The following MAPK14 variants were observed in gnomAD, a reference collection of about 807,000 sequenced individuals.
The protein encoded by MAPK14 is mitogen-activated protein kinase 14, also known as CSAID-binding protein.
MAPK14 carries 16 observed loss-of-function variants against 49.6 expected under a neutral mutation model. The observed-to-expected ratio is 0.32, with a 90% CI of 0.22 to 0.49. The LOEUF (loss-of-function observed/expected upper bound fraction) is 0.49, where lower values mean the gene tolerates loss of function less well. MAPK14 is among the 20% of genes least tolerant of loss of function. The pLI, the probability that MAPK14 is intolerant of heterozygous loss-of-function variation, is 0.99. For synonymous variants in MAPK14, 142 were observed against 158.0 expected (o/e 0.90, Z 0.76); for missense variants, 200 against 441.2 (o/e 0.45, Z 4.90).
chr6:36,067,743 C>T (rs1455439768), intron 3 of MAPK14, among the ~76,000 whole-genome samples: 2 of 152,164 alleles, frequency 1.3e-5, no homozygotes, highest in Non-Finnish European at 2.9e-5. Context: ...ACAGTCTGGT[C>T]TGCTTACCAG....
intron 9 of MAPK14, among the ~76,000 whole-genome samples, chr6:36,098,357 A>G (rs1226412074): frequency 6.6e-6 from 1 of 152,168 alleles, no homozygotes; most frequent in African/African-American, 2.4e-5. Flanking sequence ...AATCAGTGAA[A>G]GAACAAGAAA....
At chr6:36,049,510 C>G (rs1763313387) in intron 1 of MAPK14, among the ~76,000 whole-genome samples, 1 of 152,196 alleles carries the variant, frequency 6.6e-6, no homozygotes. Flanking sequence ...ATTAGACCCA[C>G]TTCAAAGTTT....
intron 8 of MAPK14, among the ~76,000 whole-genome samples, chr6:36,084,298 A>G (rs1764888645): frequency 6.6e-6 from 1 of 152,190 alleles, no homozygotes; most frequent in Non-Finnish European, 1.5e-5. Context: ...TTTCCTCCAA[A>G]TGATCACAGC....
the MAPK14 span, among the ~76,000 whole-genome samples, chr6:36,117,137 G>A: frequency 8.5e-5 from 13 of 152,284 alleles, no homozygotes; most frequent in South Asian, 2.7e-3. Flanking sequence ...AGCACACACT[G>A]GGTCTCTCTC....
At chr6:36,076,024 C>T (rs2127445494) in intron 7 of MAPK14, 62 bp downstream of exon 7, 1 of 1,544,398 alleles carries the variant, frequency 6.5e-7, no homozygotes, top group South Asian at 1.1e-5. Flanking sequence ...ATTTGGGATT[C>T]TCAGAAATAG....
At chr6:36,093,131 A>G (rs1017542192) in intron 8 of MAPK14, among the ~76,000 whole-genome samples, 2 of 152,270 alleles carry the variant, frequency 1.3e-5, no homozygotes, top group Non-Finnish European at 2.9e-5. Flanking sequence ...CTGGTTTATG[A>G]GTACATAAAT....
intron 3 of MAPK14, among the ~76,000 whole-genome samples, chr6:36,064,334 T>C (rs1763959756): frequency 6.9e-6 from 1 of 145,456 alleles, no homozygotes; most frequent in Non-Finnish European, 1.5e-5. Context: ...GACAAGAATT[T>C]TTTGATTCCT....
intron 9 of MAPK14, chr6:36,100,049 T>G: frequency 1.6e-6 from 1 of 638,646 alleles, no homozygotes; most frequent in Non-Finnish European, 2.9e-6. Flanking sequence ...AGCATGCAGC[T>G]GTGGGCTCTC....
Position 36,027,961 on chromosome 6 carries a change from CAGG to C in MAPK14, c.-196_-194del. 1 of 434,360 alleles carries C rather than the reference CAGG, an allele frequency of 2.3e-6. No homozygotes were observed. Among genetic ancestry groups the C allele is most frequent in the Non-Finnish European group, 4.0e-6 (1 of 250,524 alleles). 26.9% of individuals were successfully genotyped at this position (434,360 alleles called of 1,614,324 possible). A position where few individuals can be genotyped will look rare whatever the true frequency, so the allele number is the denominator to read the frequency against. ...CCCTTAGCGGGGCTTGCCCCAGTCG[CAGG>C]GGCACATCCAGCCGCTGCGGCTGAC... On this transcript the variant is annotated 5_prime_UTR_variant, in exon 1 of 12. Transcript: ENST00000229794.
At chr6:36,106,104 T>G (rs1765789215) in intron 10 of MAPK14, among the ~76,000 whole-genome samples, 1 of 152,216 alleles carries the variant, frequency 6.6e-6, no homozygotes. Context: ...CAGTGATCAA[T>G]TTTAGCTCAT....
chr6:36,091,851 T>C (rs960431498), intron 8 of MAPK14: 9 of 177,078 alleles, frequency 5.1e-5, no homozygotes, highest in African/African-American at 1.7e-4. Flanking sequence ...TTTCTTTTTT[T>C]TTTTTTTTTC....
intron 1 of MAPK14, among the ~76,000 whole-genome samples, chr6:36,039,155 A>G (rs1297491693): frequency 6.6e-6 from 1 of 152,134 alleles, no homozygotes; most frequent in Non-Finnish European, 1.5e-5. Context: ...AAAAACCCAT[A>G]TTATTTATTG....
chr6:36,029,057 T>C (rs578125101), intron 1 of MAPK14: 2 of 152,176 alleles, frequency 1.3e-5, no homozygotes, highest in South Asian at 2.1e-4. Context: ...ATACCACTGC[T>C]CATTTAAGTA....
At chr6:36,077,217 C>G (rs1234093602) in intron 8 of MAPK14, among the ~76,000 whole-genome samples, 1 of 152,060 alleles carries the variant, frequency 6.6e-6, no homozygotes, top group Non-Finnish European at 1.5e-5. Context: ...TATTATAGCC[C>G]CTTTATTTTA....
chr6:36,073,109 A>G (rs1764374386), intron 4 of MAPK14, 125 bp downstream of exon 4: 1 of 692,420 alleles, frequency 1.4e-6, no homozygotes, highest in East Asian at 2.8e-5. Flanking sequence ...ATCACAGGTA[A>G]AGGTCATATA....
At chr6:36,068,655 A>G (rs941844322) in intron 3 of MAPK14, among the ~76,000 whole-genome samples, 2 of 152,180 alleles carry the variant, frequency 1.3e-5, no homozygotes, top group African/African-American at 4.8e-5. Flanking sequence ...GCCAGTCTAT[A>G]GATATCGAAG....
At chr6:36,112,790 A>G (rs1403566462), downstream of MAPK14, among the ~76,000 whole-genome samples, 1 of 152,222 alleles carries the variant, frequency 6.6e-6, no homozygotes, top group South Asian at 2.1e-4. Flanking sequence ...TATCAACTTC[A>G]TCAAATCCAC....
chr6:36,092,369 G>A, intron 8 of MAPK14: 1 of 663,106 alleles, frequency 1.5e-6, no homozygotes, highest in Non-Finnish European at 2.8e-6. Context: ...TCCCTGCAGG[G>A]AACTCTATGC....
rs1765947356 is a variant in MAPK14 at position 36,110,933 on chromosome 6, A to G, written c.*2486A>G. On this transcript the variant is annotated 3_prime_UTR_variant, in exon 12 of 12. Transcript: ENST00000229794. ...TTCTTAGTTGTACATTTTTTGGTGA[A>G]GAGTATCCAGGTCTTTGCTGTGGAT... 3 of 152,188 alleles carry G rather than the reference A, an allele frequency of 2.0e-5. No individual in the cohort carries two copies. In the South Asian group the frequency reaches 6.2e-4, roughly 31 times the overall value. The allele number at this position is 152,188 out of a possible 1,614,324, so 9.4% of individuals were successfully genotyped here. A position where few individuals can be genotyped will look rare whatever the true frequency, so the allele number is the denominator to read the frequency against.
Sources: gnomAD v4.1 joint callset for allele counts (sites outside exome capture counted in the v4.1 genomes callset) on GRCh38, gnomAD v4.1.1 for gene constraint, MANE v1.5 for transcripts, NCBI Gene and HGNC (gene_info 2026-07-23, HGNC 2026-07-21) for gene names.